ATG3: variants seen among roughly 807,000 people sequenced by gnomAD.
The protein encoded by ATG3 is autophagy related 3, also known as ubiquitin-like-conjugating enzyme ATG3.
A neutral mutation model predicts 50.7 loss-of-function variants in ATG3; 25 were observed. The observed-to-expected ratio is 0.49, with a 90% CI of 0.36 to 0.69. The LOEUF (loss-of-function observed/expected upper bound fraction) is 0.69. Among genes scored for constraint, ATG3 ranks in the 30% least tolerant of loss-of-function variants. The probability of loss-of-function intolerance (pLI) is 0.00; values close to 1 mark genes in which losing one functional copy is unlikely to be tolerated. For missense variants in ATG3, 281 were observed against 376.0 expected, an observed-to-expected ratio of 0.75 and a Z score of 2.09; for synonymous variants, 119 against 125.5, an observed-to-expected ratio of 0.95 and a Z score of 0.34.
At chr3:112,556,373 C>A (rs1427462007) in intron 2 of ATG3, among the ~76,000 whole-genome samples, 3 of 150,704 alleles carry the variant, frequency 2.0e-5, no homozygotes, top group African/African-American at 7.3e-5. Context: ...CCCCTCTGCC[C>A]GGCCAGCCGC....
Position 112,548,637 on chromosome 3 carries a change from G to A in ATG3, c.239C>T (p.Pro80Leu). Residue 80 changes from proline to leucine, a missense_variant, in exon 5 of 12, where the codon CCG becomes CTG. By Grantham distance (98) the Pro-to-Leu change is moderately conservative (BLOSUM62 -3). This residue lies in a region of ATG3 where 242 missense variants were observed against 305.0 expected (regional missense o/e 0.79). Coordinates refer to ENST00000283290, the MANE Select transcript of ATG3 (RefSeq NM_022488.5). ...GKQFLVTKNV[P>L]CYKRCKQMEY... The stretch of plus-strand genomic sequence containing the variant: ...CATCTGTTTGCACCGCTTATAGCAC[G>A]GCACTATAAAAAAAATGGTAAATAC... 1.9e-6 allele frequency: 3 copies of A among 1,612,626 alleles called. No individual in the cohort carries two copies. Among genetic ancestry groups the A allele is most frequent in the Non-Finnish European group, 2.5e-6 (3 of 1,179,062 alleles).
chr3:112,558,609 A>C (rs1933752230), intron 1 of ATG3, among the ~76,000 whole-genome samples, 192 bp from the exon 2 acceptor site: 1 of 152,158 alleles, frequency 6.6e-6, no homozygotes, highest in Non-Finnish European at 1.5e-5. Context: ...ATCTATATCT[A>C]TCTATCTGTT....
intron 2 of ATG3, among the ~76,000 whole-genome samples, chr3:112,554,335 T>A (rs1933607763): frequency 6.6e-6 from 1 of 152,222 alleles, no homozygotes; most frequent in Non-Finnish European, 1.5e-5. Flanking sequence ...ACCATTGTGA[T>A]TTGTTTCTGC....
intron 6 of ATG3, 127 bp downstream of exon 6, chr3:112,543,930 G>C (rs1056431801): frequency 1.6e-6 from 1 of 613,548 alleles, no homozygotes; most frequent in East Asian, 3.0e-5. Context: ...GAATTTAAAA[G>C]AGCTTGATAA....
Position 112,561,453 on chromosome 3 carries a change from T to G in ATG3, c.72+4A>C. The G allele has an allele frequency of 6.2e-7, 1 of 1,612,220 alleles. No individual in the cohort carries two copies. The highest frequency in any genetic ancestry group is 8.5e-7 in the Non-Finnish European group (1 of 1,178,664). Reference sequence around the variant, plus strand: ...CAGCTCCCGGCAACCCTGGCCTGGCTTACCTTGAGGACCGGGGTCAGGTAC... The same window carrying G: ...CAGCTCCCGGCAACCCTGGCCTGGCGTACCTTGAGGACCGGGGTCAGGTAC... On this transcript the variant is annotated splice_donor_region_variant and intron_variant, in intron 1 of 11. Coordinates refer to ENST00000283290, the MANE Select transcript of ATG3 (RefSeq NM_022488.5).
rs1933745648 is a variant in ATG3 at position 112,558,424 on chromosome 3, A to G, written c.73-7T>C. On this transcript the variant is annotated splice_polypyrimidine_tract_variant and splice_region_variant and intron_variant, in intron 1 of 11. Transcript: ENST00000283290. ...TTTCCTTAAACTTTGATTCCTAAAA[A>G]AAGCAGAAAGAAAAACAATATTATA... 5 of 1,587,292 alleles carry G rather than the reference A, an allele frequency of 3.2e-6. No homozygotes were observed. The highest frequency in any genetic ancestry group is 1.3e-5 in the African/African-American group (1 of 74,438).
At chr3:112,550,431 G>T (rs1453854138) in intron 3 of ATG3, among the ~76,000 whole-genome samples, 169 bp from the exon 4 acceptor site, 1 of 152,160 alleles carries the variant, frequency 6.6e-6, no homozygotes, top group Non-Finnish European at 1.5e-5. Context: ...TCAGGGCATG[G>T]AGAAAAGCAC....
intron 9 of ATG3, 128 bp from the exon 10 acceptor site, chr3:112,536,730 G>A (rs993500482): frequency 2.2e-6 from 2 of 925,406 alleles, no homozygotes; most frequent in Non-Finnish European, 3.2e-6. Context: ...GACCATCCTG[G>A]CTAACATGGT....
At chr3:112,545,927 A>G (rs550590144) in intron 5 of ATG3, among the ~76,000 whole-genome samples, 37 of 152,314 alleles carry the variant, frequency 2.4e-4, no homozygotes, top group South Asian at 8.3e-4. Context: ...GATAAAGCAG[A>G]TTACCCTCTA....
intron 1 of ATG3, among the ~76,000 whole-genome samples, chr3:112,560,681 G>C (rs1933834158): frequency 1.3e-5 from 2 of 151,858 alleles, no homozygotes; most frequent in South Asian, 2.1e-4. Flanking sequence ...CACTCCAAAA[G>C]AGTTATAAAA....
intron 7 of ATG3, among the ~76,000 whole-genome samples, chr3:112,539,077 G>C (rs1933155124): frequency 6.6e-6 from 1 of 152,070 alleles, no homozygotes; most frequent in African/African-American, 2.4e-5. Context: ...GCATTCTACT[G>C]TTTCTCATCC....
chr3:112,557,843 AAATT>A (rs1347404971), intron 2 of ATG3, among the ~76,000 whole-genome samples: 2 of 152,240 alleles, frequency 1.3e-5, no homozygotes, highest in African/African-American at 2.4e-5. Flanking sequence ...AAGCTTAAAT[AAATT>A]GTCTCTTATT....
chr3:112,540,775 A>G (rs1008432708), intron 7 of ATG3, among the ~76,000 whole-genome samples: 3 of 152,158 alleles, frequency 2.0e-5, no homozygotes, highest in Non-Finnish European at 2.9e-5. Flanking sequence ...AAAAAAGAGG[A>G]AGATATGGTT....
intron 1 of ATG3, 22 bp downstream of exon 1, chr3:112,561,435 C>T (rs372908416): frequency 2.5e-4 from 398 of 1,612,236 alleles, no homozygotes; most frequent in Non-Finnish European, 3.2e-4. Flanking sequence ...TGACAGCTCC[C>T]GGCAACCCTG....
chr3:112,540,759 A>G (rs1252048398), intron 7 of ATG3, among the ~76,000 whole-genome samples: 3 of 152,070 alleles, frequency 2.0e-5, no homozygotes, highest in Non-Finnish European at 4.4e-5. Flanking sequence ...AAACCAAGAG[A>G]GAAAAAAAAA....
intron 8 of ATG3, 79 bp from the exon 9 acceptor site, chr3:112,537,969 T>C: frequency 7.2e-7 from 1 of 1,393,308 alleles, no homozygotes; most frequent in Non-Finnish European, 9.8e-7. Flanking sequence ...ATTTTTTCCA[T>C]TCTATATTTT....
chr3:112,548,731 G>T, intron 4 of ATG3, 91 bp from the exon 5 acceptor site: 1 of 1,083,046 alleles, frequency 9.2e-7, no homozygotes, highest in Non-Finnish European at 1.4e-6. Flanking sequence ...CATAAAATAG[G>T]GTGTTTATAC....
intron 2 of ATG3, 86 bp from the exon 3 acceptor site, chr3:112,553,415 T>A: frequency 8.9e-7 from 1 of 1,126,164 alleles, no homozygotes; most frequent in South Asian, 1.2e-5. Flanking sequence ...AATACCAAAC[T>A]GATGGCACTA....
In ATG3 at chr3:112,561,510, T is replaced by C. The variant is rs1933878645; in HGVS notation, c.19A>G (p.Thr7Ala). The change falls in exon 1 of 12, where the codon ACT becomes GCT. Residue 7 changes from threonine (T) to alanine (A), a missense_variant. Transcript: ENST00000283290. MQNVIN[T>A]VKGKALEVAE... ...ACTTCCAGTGCCTTTCCCTTCACAGTATTAATCACATTCTGCATCCTGGGG... is the reference window on the plus strand; with the variant it reads ...ACTTCCAGTGCCTTTCCCTTCACAGCATTAATCACATTCTGCATCCTGGGG... 1.2e-6 allele frequency: 2 copies of C among 1,611,990 alleles called. No individual in the cohort carries two copies. The highest frequency in any genetic ancestry group is 2.7e-5 in the African/African-American group (2 of 74,874).
Sources: gnomAD v4.1 joint callset for allele counts (sites outside exome capture counted in the v4.1 genomes callset) on GRCh38, gnomAD v4.1.1 for gene constraint, gnomAD v4.1.1 regional missense constraint, MANE v1.5 for transcripts, NCBI Gene and HGNC (gene_info 2026-07-23, HGNC 2026-07-21) for gene names.